The following CENPW variants were observed in gnomAD, a reference collection of about 807,000 sequenced individuals.
CENPW encodes cancer-up-regulated gene 2 protein.
In CENPW, 3 loss-of-function variants were observed where a neutral mutation model predicts 11.1. The ratio of observed to expected loss-of-function variants is 0.27; its 90% CI spans 0.12 to 0.70. The LOEUF (loss-of-function observed/expected upper bound fraction) is 0.70. Among genes scored for constraint, CENPW ranks in the 30% least tolerant of loss-of-function variants. The probability of loss-of-function intolerance (pLI) is 0.77; values close to 1 mark genes in which losing one functional copy is unlikely to be tolerated. For missense variants in CENPW, 100 were observed against 105.6 expected, an observed-to-expected ratio of 0.95 and a Z score of 0.23; for synonymous variants, 38 against 42.0, an observed-to-expected ratio of 0.91 and a Z score of 0.37.
chr6:126,434,585 T>C, the CENPW span, among the ~76,000 whole-genome samples: 1 of 152,038 alleles, frequency 6.6e-6, no homozygotes, highest in African/African-American at 2.4e-5. Context: ...ATTCATTGTG[T>C]GTATGAAAAC....
At chr6:126,426,168 A>T in the CENPW span, among the ~76,000 whole-genome samples, 15 of 152,284 alleles carry the variant, frequency 9.9e-5, no homozygotes, top group South Asian at 2.9e-3. Context: ...CAATGGTAAC[A>T]TGTTTATTTC....
chr6:126,408,401 T>C, the CENPW span, among the ~76,000 whole-genome samples: 1 of 152,160 alleles, frequency 6.6e-6, no homozygotes, highest in Non-Finnish European at 1.5e-5. Flanking sequence ...CTCCCCTTTA[T>C]AAAATCATCA....
At chr6:126,404,340 A>G in the CENPW span, among the ~76,000 whole-genome samples, 1 of 152,144 alleles carries the variant, frequency 6.6e-6, no homozygotes, top group Non-Finnish European at 1.5e-5. Context: ...TAGAGTTGAC[A>G]TAGTAATTCT....
chr6:126,438,441 T>G, the CENPW span, among the ~76,000 whole-genome samples: 68,978 of 151,480 alleles, frequency 0.46, 17,384 homozygotes, highest in East Asian at 0.97. Flanking sequence ...AAATCTATTT[T>G]TTGATAGAAA....
At chr6:126,420,561 A>C in the CENPW span, among the ~76,000 whole-genome samples, 1 of 152,128 alleles carries the variant, frequency 6.6e-6, no homozygotes, top group Non-Finnish European at 1.5e-5. Flanking sequence ...AAGTTTATTT[A>C]GTGGGAGAGT....
At chr6:126,435,197 T>A in the CENPW span, among the ~76,000 whole-genome samples, 1 of 152,010 alleles carries the variant, frequency 6.6e-6, no homozygotes, top group Non-Finnish European at 1.5e-5. Flanking sequence ...TATGTTGTAA[T>A]AATTGTTTTT....
the CENPW span, among the ~76,000 whole-genome samples, chr6:126,469,542 T>C: frequency 1.1e-4 from 16 of 152,174 alleles, no homozygotes; most frequent in Middle Eastern, 3.4e-3. Flanking sequence ...CCTGAAAATG[T>C]GGAAACAACT....
the CENPW span, among the ~76,000 whole-genome samples, chr6:126,434,215 G>A: frequency 3.3e-5 from 5 of 152,028 alleles, no homozygotes; most frequent in Admixed American, 6.6e-5. Context: ...TTGAATGGTA[G>A]TTTGCTTGAT....
the CENPW span, among the ~76,000 whole-genome samples, chr6:126,443,224 C>T: frequency 1.3e-5 from 2 of 151,088 alleles, no homozygotes; most frequent in African/African-American, 4.8e-5. Flanking sequence ...AATTTTTTGA[C>T]ATGTATCTTG....
intron 1 of CENPW, among the ~76,000 whole-genome samples, chr6:126,342,937 G>T (rs1367647208): frequency 6.6e-6 from 1 of 151,858 alleles, no homozygotes; most frequent in East Asian, 1.9e-4. Flanking sequence ...TATTTTGTTT[G>T]TTTTATGCCT....
the CENPW span, among the ~76,000 whole-genome samples, chr6:126,402,012 C>T: frequency 1.3e-5 from 2 of 152,036 alleles, no homozygotes; most frequent in African/African-American, 2.4e-5. Context: ...ATTGGCAGCA[C>T]CTATTTTCTT....
chr6:126,419,840 T>C, the CENPW span, among the ~76,000 whole-genome samples: 1 of 152,184 alleles, frequency 6.6e-6, no homozygotes, highest in Non-Finnish European at 1.5e-5. Flanking sequence ...CCCACTTTTC[T>C]CTTATAAGAA....
the CENPW span, among the ~76,000 whole-genome samples, chr6:126,368,653 T>TG: frequency 2.6e-5 from 4 of 151,838 alleles, no homozygotes; most frequent in African/African-American, 9.7e-5. Context: ...ATGTGTAGTT[T>TG]TTTTTTTTTG....
At chr6:126,418,130 A>C in the CENPW span, among the ~76,000 whole-genome samples, 1 of 152,216 alleles carries the variant, frequency 6.6e-6, no homozygotes, top group Non-Finnish European at 1.5e-5. Context: ...AAGTGAAGTT[A>C]TTATACGCTG....
the CENPW span, among the ~76,000 whole-genome samples, chr6:126,392,987 T>G: frequency 1.3e-5 from 2 of 151,992 alleles, no homozygotes; most frequent in African/African-American, 4.8e-5. Context: ...ATTAGTCTGC[T>G]CAGGTTTTGG....
intron 1 of CENPW, among the ~76,000 whole-genome samples, chr6:126,341,071 C>T (rs530517896): frequency 3.1e-4 from 47 of 152,342 alleles, no homozygotes; most frequent in African/African-American, 9.1e-4. Context: ...CTAAAGCCTG[C>T]TTATCTGACC....
the CENPW span, among the ~76,000 whole-genome samples, chr6:126,432,761 A>G: frequency 6.6e-6 from 1 of 152,262 alleles, no homozygotes; most frequent in South Asian, 2.1e-4. Context: ...ACCTGGACAC[A>G]TCTGTCTGAA....
At chr6:126,389,192 A>G in the CENPW span, among the ~76,000 whole-genome samples, 1 of 151,936 alleles carries the variant, frequency 6.6e-6, no homozygotes, top group Non-Finnish European at 1.5e-5. Flanking sequence ...CTTCCAACTC[A>G]CTTCCAACAC....
At chr6:126,430,637 C>CGGTT in the CENPW span, among the ~76,000 whole-genome samples, 3 of 151,982 alleles carry the variant, frequency 2.0e-5, no homozygotes, top group Non-Finnish European at 4.4e-5. Flanking sequence ...TAGGAAAGGT[C>CGGTT]GGTTGTTATC....
Sources: gnomAD v4.1 joint callset for allele counts (sites outside exome capture counted in the v4.1 genomes callset) on GRCh38, gnomAD v4.1.1 for gene constraint, MANE v1.5 for transcripts, NCBI Gene and HGNC (gene_info 2026-07-23, HGNC 2026-07-21) for gene names.